SLC35F3: variants seen among roughly 807,000 people sequenced by gnomAD.
The protein encoded by SLC35F3 is putative thiamine transporter SLC35F3.
Under a neutral mutation model 49.9 loss-of-function variants are expected in SLC35F3, and 25 were observed. The ratio of observed to expected loss-of-function variants is 0.50; its 90% confidence interval spans 0.37 to 0.70. The LOEUF is 0.70. Ranked by LOEUF, SLC35F3 falls within the 30% of genes least tolerant of loss-of-function variation. SLC35F3 has a pLI of 0.00. For synonymous variants in SLC35F3, 275 were observed against 265.4 expected, an observed-to-expected ratio of 1.04 and a Z score of -0.35; for missense variants, 525 against 639.8, an observed-to-expected ratio of 0.82 and a Z score of 1.94.
At chr1:234,106,329 A>G (rs1665284798) in intron 2 of SLC35F3, among the ~76,000 whole-genome samples, 1 of 152,226 alleles carries the variant, frequency 6.6e-6, no homozygotes, top group Admixed American at 6.5e-5. Context: ...GCAATACAAA[A>G]GAAGCTCCTT....
chr1:233,964,970 G>A (rs1018738127), intron 2 of SLC35F3, among the ~76,000 whole-genome samples: 1 of 152,154 alleles, frequency 6.6e-6, no homozygotes, highest in African/African-American at 2.4e-5. Flanking sequence ...TATAAGTGAT[G>A]TTTTTCCCAA....
chr1:234,311,922 G>T (rs933903692), intron 4 of SLC35F3, among the ~76,000 whole-genome samples: 2 of 152,332 alleles, frequency 1.3e-5, no homozygotes, highest in East Asian at 1.9e-4. Flanking sequence ...TCTGTTAAAT[G>T]GAGAGAATAT....
intron 2 of SLC35F3, among the ~76,000 whole-genome samples, chr1:234,039,967 G>A (rs930442071): frequency 1.2e-4 from 18 of 149,720 alleles, no homozygotes; most frequent in East Asian, 3.8e-4. Context: ...CCACCAGTGA[G>A]GGCAAAGGAC....
chr1:234,309,614 G>A (rs1657299084), intron 4 of SLC35F3, among the ~76,000 whole-genome samples: 1 of 152,222 alleles, frequency 6.6e-6, no homozygotes, highest in Non-Finnish European at 1.5e-5. Flanking sequence ...TGGGAATGGC[G>A]ATGTGCTCCG....
intron 2 of SLC35F3, among the ~76,000 whole-genome samples, chr1:234,065,921 A>C (rs1664609741): frequency 1.3e-5 from 2 of 152,222 alleles, no homozygotes; most frequent in South Asian, 2.1e-4. Context: ...CAGTTGCGTT[A>C]AACACGGGGT....
chr1:234,273,463 A>T (rs1668143549), intron 3 of SLC35F3, among the ~76,000 whole-genome samples: 1 of 152,228 alleles, frequency 6.6e-6, no homozygotes, highest in Admixed American at 6.5e-5. Context: ...GTAGCCAAGA[A>T]CTTAGGTTTG....
chr1:233,933,600 C>T lies in SLC35F3; in HGVS notation c.283+27842C>T, dbSNP rs533584958. On this transcript the variant is annotated intron_variant, in intron 2 of 7. Transcript: ENST00000366618. ...GGGAACTGGGCTGGGTGTGGTGGCT[C>T]AGTGCTTGGGGAGGCCGAGGCGGGC... 3.3e-5 allele frequency among the ~76,000 whole-genome samples: 5 copies of T among 152,198 alleles called. No individual in the cohort carries two copies. The East Asian group carries it at 7.7e-4, about 24-fold the overall frequency.
chr1:234,118,719 A>T (rs764717461), intron 2 of SLC35F3, among the ~76,000 whole-genome samples: 1 of 152,158 alleles, frequency 6.6e-6, no homozygotes, highest in Non-Finnish European at 1.5e-5. Flanking sequence ...AAAATGAGGA[A>T]ACTGAGGCTC....
At chr1:234,221,828 T>A in intron 2 of SLC35F3, among the ~76,000 whole-genome samples, 1 of 152,350 alleles carries the variant, frequency 6.6e-6, no homozygotes, top group East Asian at 1.9e-4. Flanking sequence ...GGGCTTCTCC[T>A]GCTGCAAAGA....
chr1:234,274,780 T>C (rs1668172326), intron 3 of SLC35F3, among the ~76,000 whole-genome samples: 1 of 152,234 alleles, frequency 6.6e-6, no homozygotes, highest in African/African-American at 2.4e-5. Flanking sequence ...AACATTAATC[T>C]TCAATGTTGT....
intron 2 of SLC35F3, among the ~76,000 whole-genome samples, chr1:233,941,542 T>G (rs980373757): frequency 6.6e-6 from 1 of 152,190 alleles, no homozygotes. Context: ...ACACAGTTTG[T>G]GCCCAGAACA....
At chr1:234,014,664 T>C (rs975667905) in intron 2 of SLC35F3, among the ~76,000 whole-genome samples, 1 of 152,128 alleles carries the variant, frequency 6.6e-6, no homozygotes, top group African/African-American at 2.4e-5. Flanking sequence ...CAAAAATCAG[T>C]AGCATTTCTA....
At chr1:233,924,728 G>A (rs1462697442) in intron 2 of SLC35F3, among the ~76,000 whole-genome samples, 1 of 152,076 alleles carries the variant, frequency 6.6e-6, no homozygotes, top group African/African-American at 2.4e-5. Context: ...TGATGTTATG[G>A]TGTCAATTTT....
At chr1:234,260,101 T>G (rs1281005895) in intron 3 of SLC35F3, among the ~76,000 whole-genome samples, 1 of 152,204 alleles carries the variant, frequency 6.6e-6, no homozygotes, top group Non-Finnish European at 1.5e-5. Flanking sequence ...TTTTGAAGCT[T>G]CCATCTACTT....
chr1:233,913,819 G>A (rs527699422), intron 2 of SLC35F3, among the ~76,000 whole-genome samples: 56 of 152,202 alleles, frequency 3.7e-4, no homozygotes, highest in Non-Finnish European at 6.9e-4. Context: ...ACAAGTAATC[G>A]CACTCCTAGA....
intron 3 of SLC35F3, among the ~76,000 whole-genome samples, chr1:234,308,751 C>T (rs1179441095): frequency 6.7e-6 from 1 of 149,944 alleles, no homozygotes; most frequent in African/African-American, 2.5e-5. Context: ...GTTTAGTGAC[C>T]CCCTTCTCTT....
At chr1:234,038,210 G>A (rs531710809) in intron 2 of SLC35F3, among the ~76,000 whole-genome samples, 128 of 149,064 alleles carry the variant, frequency 8.6e-4, no homozygotes, top group African/African-American at 2.9e-3. Context: ...GAGAACATGT[G>A]GTGTTTGGTT....
chr1:233,976,600 A>G (rs1007171066), intron 2 of SLC35F3, among the ~76,000 whole-genome samples: 1 of 152,060 alleles, frequency 6.6e-6, no homozygotes, highest in African/African-American at 2.4e-5. Flanking sequence ...ATTTCATAGT[A>G]TGGTTGGTAC....
chr1:234,065,617 C>G (rs940774325), intron 2 of SLC35F3, among the ~76,000 whole-genome samples: 3 of 152,064 alleles, frequency 2.0e-5, no homozygotes, highest in African/African-American at 7.2e-5. Context: ...CTGCCACGAG[C>G]GCTATGAGAA....
Sources: allele counts gnomAD v4.1 joint callset (sites outside exome capture counted in the v4.1 genomes callset), GRCh38; gene constraint gnomAD v4.1.1; transcripts MANE v1.5; gene names NCBI Gene and HGNC (gene_info 2026-07-23, HGNC 2026-07-21).